Variants in GDPD5 observed in about 807,000 individuals in gnomAD.
GDPD5 encodes the protein glycerophosphodiester phosphodiesterase 2.
A neutral mutation model predicts 75.1 loss-of-function variants in GDPD5; 48 were observed. The observed-to-expected ratio is 0.64, with a 90% confidence interval of 0.51 to 0.81. The LOEUF is 0.81. GDPD5 is among the 40% of genes least tolerant of loss of function. The probability of loss-of-function intolerance (pLI) is 0.00; values close to 1 mark genes in which losing one functional copy is unlikely to be tolerated. For synonymous variants in GDPD5, 336 were observed against 339.0 expected (o/e 0.99, Z 0.10); for missense variants, 706 against 822.6 (o/e 0.86, Z 1.73).
intron 3 of GDPD5, among the ~76,000 whole-genome samples, chr11:75,465,210 G>C (rs1019436158): frequency 2.6e-5 from 4 of 152,208 alleles, no homozygotes; most frequent in Admixed American, 1.3e-4. Context: ...GTCTGGCCCA[G>C]GCCAGCTCTG....
At chr11:75,513,670 C>T (rs1950577676) in intron 1 of GDPD5, among the ~76,000 whole-genome samples, 1 of 152,240 alleles carries the variant, frequency 6.6e-6, no homozygotes, top group African/African-American at 2.4e-5. Flanking sequence ...CAGCCTAGAA[C>T]TCCTGGGTTC....
chr11:75,518,767 C>T (rs1217392320), intron 1 of GDPD5, among the ~76,000 whole-genome samples: 1 of 152,160 alleles, frequency 6.6e-6, no homozygotes, highest in Non-Finnish European at 1.5e-5. Flanking sequence ...TTCAGACTGC[C>T]CCTGGGGTGA....
In GDPD5 at chr11:75,525,230, G is replaced by C. The variant is rs1941623898; in HGVS notation, c.-165C>G. The C allele has an allele frequency of 6.6e-6, 1 of 152,436 alleles. No homozygotes were observed. The highest frequency in any genetic ancestry group is 2.1e-4 in the South Asian group (1 of 4,832). 9.4% of individuals were successfully genotyped at this position (152,436 alleles called of 1,614,324 possible). ...CTCACCTGCAGCCTTGGCTCTCGCA[G>C]GCCGCCGGGACAGAAGGGGACCCCT... On this transcript the variant is annotated 5_prime_UTR_variant, in exon 1 of 17. Transcript: ENST00000336898.
At chr11:75,448,485 C>T (rs2135209330) in intron 9 of GDPD5, 1 of 985,792 alleles carries the variant, frequency 1.0e-6, no homozygotes, top group South Asian at 4.7e-5. Context: ...GGAGCCTGCC[C>T]TCTCACCGAA....
At chr11:75,471,681 T>C (rs1190741653) in intron 3 of GDPD5, among the ~76,000 whole-genome samples, 2 of 152,120 alleles carry the variant, frequency 1.3e-5, no homozygotes, top group Non-Finnish European at 2.9e-5. Flanking sequence ...TGCCCCACCC[T>C]TGCTCAAGGT....
chr11:75,466,313 C>G, intron 3 of GDPD5, among the ~76,000 whole-genome samples: 1 of 152,062 alleles, frequency 6.6e-6, no homozygotes, highest in East Asian at 1.9e-4. Context: ...CAGCGGGGGT[C>G]ACTCTAAGAA....
chr11:75,501,870 C>T (rs1252811759), intron 1 of GDPD5, among the ~76,000 whole-genome samples: 1 of 152,168 alleles, frequency 6.6e-6, no homozygotes, highest in Non-Finnish European at 1.5e-5. Flanking sequence ...TTCTAATTTA[C>T]TGGAAGAGGA....
At chr11:75,495,019 G>GTGGCTTA (rs1754730666) in intron 1 of GDPD5, among the ~76,000 whole-genome samples, 1 of 151,846 alleles carries the variant, frequency 6.6e-6, no homozygotes, top group African/African-American at 2.4e-5. Context: ...TGTAATCTCA[G>GTGGCTTA]CACTTTGGGA....
intron 1 of GDPD5, among the ~76,000 whole-genome samples, chr11:75,518,346 C>A (rs1950686884): frequency 6.6e-6 from 1 of 152,304 alleles, no homozygotes; most frequent in South Asian, 2.1e-4. Flanking sequence ...GAGGAAGCAG[C>A]CTCGGAAGGA....
intron 2 of GDPD5, among the ~76,000 whole-genome samples, chr11:75,487,632 A>G (rs1592128501): frequency 6.6e-6 from 1 of 152,374 alleles, no homozygotes; most frequent in East Asian, 1.9e-4. Flanking sequence ...TTCTGTCCCA[A>G]GAGACCTCTG....
Position 75,445,066 on chromosome 11 carries a change from C to A in GDPD5, c.715-571G>T, listed in dbSNP as rs143973035. On this transcript the variant is annotated intron_variant, in intron 9 of 16. Coordinates refer to ENST00000336898, the MANE Select transcript of GDPD5 (RefSeq NM_030792.8). ...CATTATTTCCCTCCCTGGACTGTTA[C>A]GTGAATTAAAAGCCTCTAGCACACT... Among the ~76,000 whole-genome samples the A allele has an allele frequency of 1.6e-3, 245 of 152,248 alleles. 1 individual carries two copies. Among genetic ancestry groups the A allele is most frequent in the African/African-American group, 5.5e-3 (230 of 41,546 alleles).
intron 1 of GDPD5, among the ~76,000 whole-genome samples, chr11:75,516,855 G>C (rs534551008): frequency 1.3e-5 from 2 of 152,210 alleles, no homozygotes; most frequent in Non-Finnish European, 2.9e-5. Context: ...ACAAAGCCAG[G>C]ATCAACATAA....
At position 75,493,190 on chromosome 11, in the gene GDPD5, C is replaced by A. The variant is rs570466302; in HGVS notation, c.-144-2870G>T. On this transcript the variant is annotated intron_variant, in intron 1 of 16. Coordinates refer to ENST00000336898, the MANE Select transcript of GDPD5 (RefSeq NM_030792.8). Reference sequence around the variant, plus strand: ...TTTATTGGCAAGAAGACCCACCCCCCGAACACCCTTAGACAGGGAAAAGGG... The same window carrying A: ...TTTATTGGCAAGAAGACCCACCCCCAGAACACCCTTAGACAGGGAAAAGGG... Among the ~76,000 whole-genome samples, 10 of 151,806 alleles carry A rather than the reference C, an allele frequency of 6.6e-5. No individual in the cohort carries two copies. The East Asian group carries it at 1.7e-3, about 27-fold the overall frequency.
At chr11:75,516,350 T>G (rs1342992430) in intron 1 of GDPD5, among the ~76,000 whole-genome samples, 2 of 152,190 alleles carry the variant, frequency 1.3e-5, no homozygotes, top group Non-Finnish European at 2.9e-5. Context: ...TATCCCGTGT[T>G]GATTTGTCAC....
rs1446271141 is a variant in GDPD5 at position 75,441,837 on chromosome 11, C to G, written c.1168-34G>C. 4 of 1,585,618 alleles carry G rather than the reference C, an allele frequency of 2.5e-6. No homozygotes were observed. In the South Asian group the frequency reaches 4.5e-5, roughly 18 times the overall value. On this transcript the variant is annotated intron_variant, in intron 12 of 16. Coordinates refer to ENST00000336898, the MANE Select transcript of GDPD5 (RefSeq NM_030792.8). ...AGAAGAGAGGCAGCCTCAGACTTCT[C>G]TTCTGCACGATGCGTAAGAGTACCT... is the stretch of plus-strand genomic sequence containing the variant.
chr11:75,448,625 C>T, intron 9 of GDPD5: 6 of 1,037,204 alleles, frequency 5.8e-6, no homozygotes, highest in Non-Finnish European at 5.8e-6. Flanking sequence ...TGCCTCCCAG[C>T]TCTCCTGGAG....
intron 1 of GDPD5, among the ~76,000 whole-genome samples, chr11:75,506,027 C>T (rs1373911380): frequency 6.6e-6 from 1 of 152,190 alleles, no homozygotes; most frequent in Non-Finnish European, 1.5e-5. Flanking sequence ...CCGCCAAGTA[C>T]CAGCTGGGCC....
At chr11:75,484,183 G>C (rs970343975) in intron 2 of GDPD5, among the ~76,000 whole-genome samples, 1 of 152,078 alleles carries the variant, frequency 6.6e-6, no homozygotes, top group Non-Finnish European at 1.5e-5. Flanking sequence ...GTGAGACCCT[G>C]TGCGCCACCA....
chr11:75,445,714 C>A (rs1948969392), intron 9 of GDPD5, among the ~76,000 whole-genome samples: 2 of 152,214 alleles, frequency 1.3e-5, no homozygotes, highest in African/African-American at 2.4e-5. Flanking sequence ...TGTTCCCCAG[C>A]CACTCCCCTC....
Sources: allele counts gnomAD v4.1 joint callset (sites outside exome capture counted in the v4.1 genomes callset), GRCh38; gene constraint gnomAD v4.1.1; transcripts MANE v1.5; gene names NCBI Gene and HGNC (gene_info 2026-07-23, HGNC 2026-07-21).